The following BTBD8 variants were observed in gnomAD, a reference collection of about 807,000 sequenced individuals.
BTBD8 encodes the protein BTB domain containing 8, also known as BTB/POZ domain-containing protein 8.
BTBD8 carries 110 observed loss-of-function variants against 162.9 expected under a neutral mutation model. The ratio of observed to expected loss-of-function variants is 0.68; its 90% CI spans 0.58 to 0.79. The LOEUF (loss-of-function observed/expected upper bound fraction) is 0.79. Among genes scored for constraint, BTBD8 ranks in the 30% least tolerant of loss-of-function variants. The probability of loss-of-function intolerance (pLI) is 0.00; values close to 1 mark genes in which losing one functional copy is unlikely to be tolerated. For synonymous variants in BTBD8, 667 were observed against 716.1 expected, an observed-to-expected ratio of 0.93 and a Z score of 1.10; for missense variants, 1,905 against 2,085.4, an observed-to-expected ratio of 0.91 and a Z score of 1.68.
chr1:92,135,926 T>C (rs1182059892), intron 5 of BTBD8, among the ~76,000 whole-genome samples: 1 of 152,218 alleles, frequency 6.6e-6, no homozygotes, highest in Non-Finnish European at 1.5e-5. Context: ...AGGAAAAGTA[T>C]AGAGAGTATT....
At chr1:92,092,279 A>C (rs1017367771) in intron 2 of BTBD8, among the ~76,000 whole-genome samples, 1 of 151,928 alleles carries the variant, frequency 6.6e-6, no homozygotes, top group Non-Finnish European at 1.5e-5. Flanking sequence ...GTGTGCACCT[A>C]ATAGTCCTGG....
In BTBD8 at chr1:92,182,356, A is replaced by G. The variant is rs1456504742; in HGVS notation, c.4673A>G (p.Asn1558Ser). The G allele has an allele frequency of 1.1e-5, 17 of 1,550,394 alleles. No homozygotes were observed. Among genetic ancestry groups the G allele is most frequent in the African/African-American group, 5.5e-5 (4 of 72,916 alleles). The change falls in exon 17 of 18, where the codon AAT becomes AGT. Residue 1558 changes from asparagine (N) to serine (S), a missense_variant. Coordinates refer to ENST00000636805, the MANE Select transcript of BTBD8 (RefSeq NM_001376131.1). ...CTTCGAGAAGATAAAAAAGTAAACA[A>G]TGGAAGCAATGTGGAAAATGACATT... ...QLLREDKKVN[N>S]GSNVENDIQQ...
In BTBD8 at chr1:92,112,434, G is replaced by C. The variant is rs576830574; in HGVS notation, c.662+4433G>C. Among the ~76,000 whole-genome samples, 25 of 152,202 alleles carry C rather than the reference G, an allele frequency of 1.6e-4. No individual in the cohort carries two copies. In the East Asian group the frequency reaches 4.4e-3, roughly 27 times the overall value. On this transcript the variant is annotated intron_variant, in intron 4 of 17. Coordinates refer to ENST00000636805, the MANE Select transcript of BTBD8 (RefSeq NM_001376131.1). ...AATTAAAATCAAACTAGGTATCATAGTGTATATATGTATTGTTTTTGTGAA... is the reference window on the plus strand; with the variant it reads ...AATTAAAATCAAACTAGGTATCATACTGTATATATGTATTGTTTTTGTGAA...
At chr1:92,094,336 A>G (rs1648394454) in intron 2 of BTBD8, among the ~76,000 whole-genome samples, 3 of 152,142 alleles carry the variant, frequency 2.0e-5, no homozygotes, top group African/African-American at 7.2e-5. Context: ...TTGGTTTCAA[A>G]GCAGATTGTT....
At chr1:92,116,549 A>G (rs1417599740) in intron 4 of BTBD8, among the ~76,000 whole-genome samples, 4 of 151,962 alleles carry the variant, frequency 2.6e-5, no homozygotes, top group Admixed American at 2.0e-4. Flanking sequence ...TTTCTTCATA[A>G]TGAATTGAGT....
At chr1:92,114,046 T>C (rs1169485197) in intron 4 of BTBD8, among the ~76,000 whole-genome samples, 2 of 151,490 alleles carry the variant, frequency 1.3e-5, no homozygotes, top group African/African-American at 4.9e-5. Context: ...GAGGGGTATA[T>C]TCTCATGACT....
chr1:92,132,975 C>T (rs1326874720), intron 5 of BTBD8, among the ~76,000 whole-genome samples: 2 of 152,046 alleles, frequency 1.3e-5, no homozygotes, highest in Non-Finnish European at 2.9e-5. Context: ...TTTTGCCTTT[C>T]CCTGTTGTAT....
chr1:92,100,050 A>C (rs768890744), intron 2 of BTBD8, among the ~76,000 whole-genome samples: 8 of 152,060 alleles, frequency 5.3e-5, no homozygotes, highest in Non-Finnish European at 8.8e-5. Context: ...AGTTTGTTGA[A>C]TGTTTTATCA....
In BTBD8 at chr1:92,102,545, T is replaced by A. The variant is rs1204818171; in HGVS notation, c.420T>A (p.Ile140=). 6.3e-7 allele frequency: 1 copy of A among 1,591,398 alleles called. No individual in the cohort carries two copies. Among genetic ancestry groups the A allele is most frequent in the South Asian group, 1.2e-5 (1 of 86,272 alleles). The change falls in exon 3 of 18, where the codon ATT becomes ATA. Residue 140 remains isoleucine (I), a synonymous_variant. Coordinates refer to ENST00000636805, the MANE Select transcript of BTBD8 (RefSeq NM_001376131.1). ...EEILRKKIME[I]GISQKQLDIS... ...TTCTTAGGAAAAAGATAATGGAGAT[T>A]GGGATATCACAAAAGCAACTTGACA...
At chr1:92,169,112 G>C in intron 12 of BTBD8, 117 bp downstream of exon 12, 1 of 977,938 alleles carries the variant, frequency 1.0e-6, no homozygotes, top group African/African-American at 1.6e-5. Context: ...TTGGATAATA[G>C]GATAACTGAA....
intron 1 of BTBD8, among the ~76,000 whole-genome samples, chr1:92,088,093 T>G (rs955311865): frequency 6.6e-6 from 1 of 152,180 alleles, no homozygotes; most frequent in Non-Finnish European, 1.5e-5. Flanking sequence ...AATGATAGAT[T>G]AGAGCATAAT....
chr1:92,089,320 G>A (rs1430602051), intron 2 of BTBD8, among the ~76,000 whole-genome samples: 1 of 152,176 alleles, frequency 6.6e-6, no homozygotes, highest in Non-Finnish European at 1.5e-5. Context: ...AATGTCTCCA[G>A]ACATTGCCAG....
intron 4 of BTBD8, among the ~76,000 whole-genome samples, chr1:92,119,176 G>C (rs1193898405): frequency 6.6e-6 from 1 of 151,396 alleles, no homozygotes. Context: ...TTGGCTTATT[G>C]TAACTTTTCA....
intron 3 of BTBD8, among the ~76,000 whole-genome samples, chr1:92,104,481 G>A (rs1344846280): frequency 6.6e-6 from 1 of 152,158 alleles, no homozygotes; most frequent in Non-Finnish European, 1.5e-5. Context: ...AGACTTTCCC[G>A]AGGTCACACA....
intron 9 of BTBD8, among the ~76,000 whole-genome samples, chr1:92,154,036 CAT>C (rs1650103153): frequency 6.6e-6 from 1 of 152,134 alleles, no homozygotes; most frequent in Non-Finnish European, 1.5e-5. Context: ...TAGTAGTTCA[CAT>C]GAGATCTGGT....
chr1:92,161,972 G>A (rs1650283289), intron 9 of BTBD8, among the ~76,000 whole-genome samples: 1 of 151,368 alleles, frequency 6.6e-6, no homozygotes, highest in African/African-American at 2.4e-5. Flanking sequence ...TCCTTTTTTT[G>A]TCTTCCTCAC....
intron 2 of BTBD8, among the ~76,000 whole-genome samples, chr1:92,096,297 T>C (rs1225011668): frequency 2.6e-5 from 4 of 152,188 alleles, no homozygotes; most frequent in Non-Finnish European, 5.9e-5. Flanking sequence ...TATCCTCTTA[T>C]GTCCTCATTT....
intron 4 of BTBD8, among the ~76,000 whole-genome samples, chr1:92,128,709 C>T (rs1042623887): frequency 2.0e-5 from 3 of 152,076 alleles, no homozygotes; most frequent in Non-Finnish European, 2.9e-5. Flanking sequence ...CGTGAGTCAC[C>T]GTGCCTGGCC....
rs1430905733 is a variant in BTBD8, at chr1:92,112,203, A to G, written c.662+4202A>G. ...GACGAGAGGATCACTTGAACCAGGG[A>G]GTTTGAGACCAGCCTAAGCAACAAA... On this transcript the variant is annotated intron_variant, in intron 4 of 17. Transcript: ENST00000636805. Among the ~76,000 whole-genome samples the G allele has an allele frequency of 4.6e-5, 7 of 152,198 alleles. No homozygotes were observed. In the East Asian group the frequency reaches 1.4e-3, roughly 29 times the overall value.
Sources: allele counts gnomAD v4.1 joint callset (sites outside exome capture counted in the v4.1 genomes callset), GRCh38; gene constraint gnomAD v4.1.1; transcripts MANE v1.5; gene names NCBI Gene and HGNC (gene_info 2026-07-23, HGNC 2026-07-21).